The following SOX6 variants were observed in gnomAD, a reference collection of about 807,000 sequenced individuals.
SOX6 encodes SRY-box transcription factor 6, also known as transcription factor SOX-6.
In SOX6, 11 loss-of-function variants were observed where a neutral mutation model predicts 97.8. That is an observed-to-expected ratio of 0.11 (90% CI 0.07 to 0.19). SOX6 has a LOEUF of 0.19. Ranked by LOEUF, SOX6 falls within the 10% of genes least tolerant of loss-of-function variation. SOX6 has a pLI of 1.00. For missense variants in SOX6, 810 were observed against 1,039.5 expected, an observed-to-expected ratio of 0.78 and a Z score of 3.04; for synonymous variants, 360 against 371.4, an observed-to-expected ratio of 0.97 and a Z score of 0.35.
chr11:16,358,190 G>C (rs970779100), upstream of SOX6, among the ~76,000 whole-genome samples: 1 of 152,018 alleles, frequency 6.6e-6, no homozygotes, highest in Admixed American at 6.6e-5. Context: ...CACATTAGAT[G>C]GTTTTCTTTT....
chr11:16,379,935 G>C (rs953842812), intron 1 of SOX6, among the ~76,000 whole-genome samples: 21 of 151,862 alleles, frequency 1.4e-4, no homozygotes, highest in Middle Eastern at 3.4e-3. Flanking sequence ...TGGTATCATA[G>C]AAACTGTAAA....
chr11:16,241,386 T>C (rs985809862), intron 3 of SOX6, among the ~76,000 whole-genome samples: 1 of 152,068 alleles, frequency 6.6e-6, no homozygotes, highest in Non-Finnish European at 1.5e-5. Flanking sequence ...ACTATGGCTG[T>C]CCATGTTGCT....
At chr11:16,234,110 A>T (rs2134175167) in intron 4 of SOX6, among the ~76,000 whole-genome samples, 1 of 152,204 alleles carries the variant, frequency 6.6e-6, no homozygotes, top group African/African-American at 2.4e-5. Flanking sequence ...GATTTGAACC[A>T]ACGTAAACAA....
At chr11:16,200,621 G>A (rs186926770) in intron 4 of SOX6, among the ~76,000 whole-genome samples, 152 of 152,188 alleles carry the variant, frequency 1.0e-3, no homozygotes, top group Non-Finnish European at 1.5e-3. Flanking sequence ...GATTCCAAAA[G>A]TACTCAATTA....
chr11:16,710,055 T>C (rs998558456), intron 3 of SOX6, among the ~76,000 whole-genome samples: 2 of 152,242 alleles, frequency 1.3e-5, no homozygotes, highest in African/African-American at 4.8e-5. Flanking sequence ...GCTATATTTT[T>C]CTGTGAAAAG....
chr11:15,997,866 A>T (rs976731179), intron 13 of SOX6, among the ~76,000 whole-genome samples: 3 of 152,180 alleles, frequency 2.0e-5, no homozygotes, highest in African/African-American at 7.2e-5. Flanking sequence ...GCGGATCACG[A>T]GGTCAGGAGT....
chr11:16,039,794 G>A (rs1227861054), intron 12 of SOX6, among the ~76,000 whole-genome samples: 1 of 151,876 alleles, frequency 6.6e-6, no homozygotes, highest in Non-Finnish European at 1.5e-5. Context: ...TGATGTTTTA[G>A]TTTTAATATT....
chr11:15,986,246 A>G lies in SOX6; in HGVS notation c.2141T>C (p.Met714Thr). ...KLRIGEYKQL[M>T]RSRRQEMRQF... ...CCTCATCTCCTGTCTCCGAGACCTCATCAGTTGCTTATACTCCCCAATCCG... is the reference window on the plus strand; with the variant it reads ...CCTCATCTCCTGTCTCCGAGACCTCGTCAGTTGCTTATACTCCCCAATCCG... Residue 714 changes from methionine to threonine, a missense_variant, in exon 15 of 16, where the codon ATG becomes ACG. By Grantham distance (81) the Met-to-Thr change is moderately conservative (BLOSUM62 -1). This residue lies in a region of SOX6 where 122 missense variants were observed against 153.4 expected (regional missense o/e 0.80). Transcript: ENST00000683767. The G allele has an allele frequency of 6.2e-7, 1 of 1,614,148 alleles. No individual in the cohort carries two copies. Among genetic ancestry groups the G allele is most frequent in the Non-Finnish European group, 8.5e-7 (1 of 1,180,002 alleles).
chr11:16,498,668 G>T (rs541353449), intron 4 of SOX6, among the ~76,000 whole-genome samples: 2 of 152,108 alleles, frequency 1.3e-5, no homozygotes, highest in Non-Finnish European at 2.9e-5. Context: ...CCCAGTCTCT[G>T]ATAAAACAGA....
At position 16,331,779 on chromosome 11, in the gene SOX6, C is replaced by T. The variant is rs78747397; in HGVS notation, c.237+9233G>A. On this transcript the variant is annotated intron_variant, in intron 2 of 15. Transcript: ENST00000683767. Reference sequence around the variant, plus strand: ...GGGGCACAAAATGTCACCAATTTAACACAAGGCAGCAAATTAAAAGTCTAA... The same window carrying T: ...GGGGCACAAAATGTCACCAATTTAATACAAGGCAGCAAATTAAAAGTCTAA... Among the ~76,000 whole-genome samples, 1,396 of 152,238 alleles carry T rather than the reference C, an allele frequency of 9.2e-3. 15 individuals are homozygous for T. Among genetic ancestry groups the T allele is most frequent in the Non-Finnish European group, 0.017 (1,140 of 68,008 alleles).
intron 3 of SOX6, among the ~76,000 whole-genome samples, chr11:16,302,852 G>A (rs1855305655): frequency 6.6e-6 from 1 of 151,926 alleles, no homozygotes; most frequent in Non-Finnish European, 1.5e-5. Flanking sequence ...TTACAGGCAG[G>A]AGCCACCGCA....
intron 3 of SOX6, among the ~76,000 whole-genome samples, chr11:16,614,073 C>T (rs73419041): frequency 0.032 from 4,868 of 152,286 alleles, 139 homozygotes; most frequent in African/African-American, 0.073. Flanking sequence ...CGAACTCTCC[C>T]AGCAAAGTAT....
intron 1 of SOX6, among the ~76,000 whole-genome samples, chr11:16,467,193 T>G (rs562356687): frequency 6.6e-6 from 1 of 152,020 alleles, no homozygotes; most frequent in African/African-American, 2.4e-5. Flanking sequence ...GTTTGGGGAG[T>G]GTAAATTAGT....
intron 3 of SOX6, among the ~76,000 whole-genome samples, chr11:16,658,671 G>A (rs1847743173): frequency 6.6e-6 from 1 of 151,412 alleles, no homozygotes; most frequent in African/African-American, 2.4e-5. Context: ...TCAAGCCACT[G>A]CACTCCAGCC....
rs376260418 is a variant in SOX6 at position 16,346,682 on chromosome 11, T to A, written c.-4-5430A>T. 7.9e-5 allele frequency among the ~76,000 whole-genome samples: 12 copies of A among 152,134 alleles called. No individual in the cohort carries two copies. The South Asian group carries it at 2.5e-3, about 32-fold the overall frequency. Reference sequence around the variant, plus strand: ...ATTACCTTGGAAAGTTATAAACCTATCTTCTAGAGTTTGTAGCAGCACTTT... The same window carrying A: ...ATTACCTTGGAAAGTTATAAACCTAACTTCTAGAGTTTGTAGCAGCACTTT... On this transcript the variant is annotated intron_variant, in intron 1 of 15. Transcript: ENST00000683767.
chr11:16,237,129 G>T (rs1451065103), intron 3 of SOX6, among the ~76,000 whole-genome samples: 1 of 151,974 alleles, frequency 6.6e-6, no homozygotes, highest in African/African-American at 2.4e-5. Flanking sequence ...TCAGGACTAG[G>T]AGATTCCAGG....
intron 1 of SOX6, among the ~76,000 whole-genome samples, chr11:16,428,964 A>T (rs1304661800): frequency 6.6e-6 from 1 of 152,182 alleles, no homozygotes; most frequent in African/African-American, 2.4e-5. Context: ...ATGAGCATGG[A>T]ATGTTCTTCC....
rs1177369293 is a variant in SOX6 at position 16,698,983 on chromosome 11, G to A, written n.429+15847C>T. On this transcript the variant is annotated intron_variant and non_coding_transcript_variant, in intron 3 of 5. Transcript: ENST00000524520. The stretch of plus-strand genomic sequence containing the variant: ...TAAATGTGACACACAGATATGAAGT[G>A]AGCATATATTGTTAGAAAAATGGCA... Among the ~76,000 whole-genome samples the A allele has an allele frequency of 2.0e-5, 3 of 152,186 alleles. No individual in the cohort carries two copies. The East Asian group carries it at 5.8e-4, about 29-fold the overall frequency.
At chr11:16,130,669 A>T (rs1308430202) in intron 6 of SOX6, among the ~76,000 whole-genome samples, 2 of 152,004 alleles carry the variant, frequency 1.3e-5, no homozygotes, top group South Asian at 2.1e-4. Context: ...TATGAAAAAA[A>T]ATAGTCAAAA....
Sources: allele counts gnomAD v4.1 joint callset (sites outside exome capture counted in the v4.1 genomes callset), GRCh38; gene constraint gnomAD v4.1.1; regional missense constraint gnomAD v4.1.1; transcripts MANE v1.5; gene names NCBI Gene and HGNC (gene_info 2026-07-23, HGNC 2026-07-21).